PVT1: variants seen among roughly 807,000 people sequenced by gnomAD.
PVT1 encodes the protein CXCR4/PVT1 fusion.
intron 2 of PVT1, among the ~76,000 whole-genome samples, chr8:127,853,369 C>T (rs1815125791): frequency 6.6e-6 from 1 of 152,078 alleles, no homozygotes; most frequent in Non-Finnish European, 1.5e-5. Flanking sequence ...AGTGGAGGCC[C>T]CCCACGAGTG....
Position 128,042,734 on chromosome 8 carries a change from G to GTTTATTTTATTTTATTTTATTTTAT in PVT1, n.913-27401_913-27377dup, listed in dbSNP as rs57334940. On this transcript the variant is annotated intron_variant and non_coding_transcript_variant, in intron 4 of 10. Coordinates refer to ENST00000651587, the Ensembl canonical transcript of PVT1. ...ATCTATGAGGAGATTGGACTAGGTG[G>GTTTATTTTATTTTATTTTATTTTAT]TTTATTTTATTTTATTTTATTTTAT... Among the ~76,000 whole-genome samples, 718 of 129,842 alleles carry GTTTATTTTATTTTATTTTATTTTAT rather than the reference G, an allele frequency of 5.5e-3. 13 individuals carry two copies. Among genetic ancestry groups the GTTTATTTTATTTTATTTTATTTTAT allele is most frequent in the East Asian group, 0.014 (62 of 4,336 alleles). The allele number at this position is 129,842 out of a possible 152,430, so 85.2% of individuals were successfully genotyped here. A position where few individuals can be genotyped will look rare whatever the true frequency, so the allele number is the denominator to read the frequency against.
At chr8:127,919,557 C>T (rs1205963074) in intron 3 of PVT1, among the ~76,000 whole-genome samples, 1 of 152,182 alleles carries the variant, frequency 6.6e-6, no homozygotes, top group South Asian at 2.1e-4. Context: ...TGAGCAGTCA[C>T]CATCCTGCTA....
At chr8:127,888,203 G>A (rs1815551024) in intron 2 of PVT1, among the ~76,000 whole-genome samples, 1 of 152,146 alleles carries the variant, frequency 6.6e-6, no homozygotes, top group African/African-American at 2.4e-5. Context: ...GCCTCCCAAA[G>A]TGCTGGGATT....
chr8:127,855,114 GTC>G (rs1815147099), intron 2 of PVT1: 2 of 398,620 alleles, frequency 5.0e-6, no homozygotes, highest in South Asian at 2.5e-4. Context: ...CTCTCTCTCT[GTC>G]TCTCTTTCTC....
chr8:127,826,886 G>T (rs559545103), intron 2 of PVT1, among the ~76,000 whole-genome samples: 4 of 152,102 alleles, frequency 2.6e-5, no homozygotes, highest in African/African-American at 4.8e-5. Context: ...TGCAAGGAAA[G>T]AATCCCTGGG....
chr8:127,920,155 C>T (rs997510992), intron 3 of PVT1, among the ~76,000 whole-genome samples: 6 of 152,178 alleles, frequency 3.9e-5, no homozygotes, highest in African/African-American at 1.4e-4. Flanking sequence ...TGAATAAACT[C>T]ACTGCCAACA....
chr8:127,929,699 C>T (rs1401873235), intron 3 of PVT1, among the ~76,000 whole-genome samples: 1 of 151,422 alleles, frequency 6.6e-6, no homozygotes, highest in Non-Finnish European at 1.5e-5. Context: ...ACCCGGGAGG[C>T]GGAGCTTGCA....
At chr8:128,019,351 CCTT>C (rs1281213210) in intron 4 of PVT1, among the ~76,000 whole-genome samples, 1 of 152,166 alleles carries the variant, frequency 6.6e-6, no homozygotes, top group Non-Finnish European at 1.5e-5. Flanking sequence ...CCATCCCGCC[CCTT>C]CTTGAGATAA....
At chr8:127,858,648 T>C (rs1563623253) in intron 2 of PVT1, among the ~76,000 whole-genome samples, 1 of 151,818 alleles carries the variant, frequency 6.6e-6, no homozygotes, top group Admixed American at 6.6e-5. Flanking sequence ...ATGATTATTG[T>C]ACAAGGATTT....
At chr8:127,889,028 CTCTCTT>C (rs1815560859) in intron 2 of PVT1, among the ~76,000 whole-genome samples, 2 of 53,058 alleles carry the variant, frequency 3.8e-5, no homozygotes, top group Non-Finnish European at 4.0e-5. Flanking sequence ...CTTTTCCTTT[CTCTCTT>C]TCTTTCTTCC....
intron 3 of PVT1, among the ~76,000 whole-genome samples, chr8:127,968,100 T>C (rs1262918803): frequency 6.6e-6 from 1 of 152,172 alleles, no homozygotes; most frequent in Non-Finnish European, 1.5e-5. Context: ...CCTGGCTGAC[T>C]CCATACACAG....
chr8:128,013,423 C>A (rs1456392934), intron 4 of PVT1, among the ~76,000 whole-genome samples: 3 of 151,980 alleles, frequency 2.0e-5, no homozygotes, highest in African/African-American at 7.3e-5. Context: ...CCACTTCTTC[C>A]TATGTGTAAG....
At chr8:127,947,044 G>A (rs117550795) in intron 3 of PVT1, 7 of 152,472 alleles carry the variant, frequency 4.6e-5, no homozygotes, top group East Asian at 1.9e-4. Flanking sequence ...AGTTAAACCC[G>A]TGGTCACTTG....
intron 3 of PVT1, among the ~76,000 whole-genome samples, chr8:127,934,175 A>G (rs1031002878): frequency 6.6e-6 from 1 of 152,232 alleles, no homozygotes; most frequent in African/African-American, 2.4e-5. Flanking sequence ...AAGAAACTTC[A>G]GTAGTTGGTT....
intron 2 of PVT1, among the ~76,000 whole-genome samples, chr8:127,831,569 G>C (rs985072950): frequency 6.6e-6 from 1 of 152,156 alleles, no homozygotes; most frequent in Non-Finnish European, 1.5e-5. Flanking sequence ...GTGGAGTATA[G>C]ATAGAAAAGT....
chr8:128,002,324 C>T (rs1034524123), intron 4 of PVT1, among the ~76,000 whole-genome samples: 8 of 152,216 alleles, frequency 5.3e-5, no homozygotes, highest in African/African-American at 1.9e-4. Context: ...GGCCTCTGCA[C>T]CTGTGTGACA....
chr8:127,847,840 C>A (rs1054065552), intron 2 of PVT1, among the ~76,000 whole-genome samples: 1 of 151,662 alleles, frequency 6.6e-6, no homozygotes, highest in Non-Finnish European at 1.5e-5. Flanking sequence ...GTGGCCTGTG[C>A]GTGGTGGGAG....
chr8:127,867,960 G>A (rs1490985457), intron 2 of PVT1, among the ~76,000 whole-genome samples: 1 of 152,166 alleles, frequency 6.6e-6, no homozygotes, highest in Non-Finnish European at 1.5e-5. Context: ...CAACAGCACA[G>A]CCCCCGGGGC....
chr8:128,028,788 T>C (rs1214868758), intron 4 of PVT1, among the ~76,000 whole-genome samples: 1 of 152,162 alleles, frequency 6.6e-6, no homozygotes, highest in African/African-American at 2.4e-5. Context: ...CATCGGAGCC[T>C]AAAAGACTCG....
Sources: gnomAD v4.1 joint callset for allele counts (sites outside exome capture counted in the v4.1 genomes callset) on GRCh38, gnomAD v4.1.1 for gene constraint, MANE v1.5 for transcripts, NCBI Gene and HGNC (gene_info 2026-07-23, HGNC 2026-07-21) for gene names.